The following CPED1 variants were observed in gnomAD, a reference collection of about 807,000 sequenced individuals.
CPED1 encodes the protein cadherin like and PC-esterase domain containing 1, also known as cadherin-like and PC-esterase domain-containing protein 1.
CPED1 carries 114 observed loss-of-function variants against 128.2 expected under a neutral mutation model. The ratio of observed to expected loss-of-function variants is 0.89; its 90% confidence interval spans 0.76 to 1.04. The LOEUF (loss-of-function observed/expected upper bound fraction) is 1.04, where lower values mean the gene tolerates loss of function less well. Among genes scored for constraint, CPED1 ranks in the 50% least tolerant of loss-of-function variants. The pLI, the probability that CPED1 is intolerant of heterozygous loss-of-function variation, is 0.00. For synonymous variants in CPED1, 462 were observed against 426.7 expected, an observed-to-expected ratio of 1.08 and a Z score of -1.02; for missense variants, 1,211 against 1,207.1, an observed-to-expected ratio of 1.00 and a Z score of -0.05.
intron 4 of CPED1, among the ~76,000 whole-genome samples, chr7:121,054,411 A>G (rs1016801924): frequency 6.6e-6 from 1 of 152,284 alleles, no homozygotes; most frequent in East Asian, 1.9e-4. Flanking sequence ...CCCATACATT[A>G]ATTTCAGAAT....
chr7:121,214,001 T>G (rs1797702807), intron 16 of CPED1, among the ~76,000 whole-genome samples: 1 of 152,084 alleles, frequency 6.6e-6, no homozygotes, highest in South Asian at 2.1e-4. Context: ...TTCTCTAGTG[T>G]GTGATGATTC....
chr7:120,999,184 A>T (rs1308522339), intron 2 of CPED1, among the ~76,000 whole-genome samples: 3 of 152,170 alleles, frequency 2.0e-5, no homozygotes, highest in Non-Finnish European at 2.9e-5. Context: ...TGCTGAACTC[A>T]AAAGTCCTCC....
At chr7:121,157,910 T>G (rs1274785386) in intron 16 of CPED1, among the ~76,000 whole-genome samples, 1 of 152,226 alleles carries the variant, frequency 6.6e-6, no homozygotes, top group African/African-American at 2.4e-5. Context: ...TTCTTTAGAA[T>G]ATTCTTTATA....
chr7:121,068,616 A>G (rs891064212), intron 5 of CPED1, among the ~76,000 whole-genome samples: 6 of 150,842 alleles, frequency 4.0e-5, no homozygotes, highest in Non-Finnish European at 8.9e-5. Flanking sequence ...TTGGTTCCAT[A>G]TGAACTTTAA....
intron 2 of CPED1, among the ~76,000 whole-genome samples, chr7:121,000,950 GT>G (rs1421448213): frequency 2.0e-5 from 3 of 152,114 alleles, no homozygotes; most frequent in African/African-American, 7.2e-5. Context: ...AAGCATGGTT[GT>G]TGGCCAGAGT....
intron 2 of CPED1, among the ~76,000 whole-genome samples, chr7:121,009,945 T>C (rs1471156879): frequency 6.6e-6 from 1 of 152,198 alleles, no homozygotes; most frequent in Non-Finnish European, 1.5e-5. Flanking sequence ...TGCATGTATT[T>C]ATAAAAAATA....
chr7:121,132,179 T>C (rs1340658364), intron 12 of CPED1, among the ~76,000 whole-genome samples: 1 of 152,068 alleles, frequency 6.6e-6, no homozygotes, highest in Non-Finnish European at 1.5e-5. Context: ...TGAGGATGCA[T>C]GTTATATACA....
At chr7:121,262,380 A>AG (rs1315175022) in intron 18 of CPED1, among the ~76,000 whole-genome samples, 7 of 152,084 alleles carry the variant, frequency 4.6e-5, no homozygotes, top group African/African-American at 1.7e-4. Flanking sequence ...TGTAGAGCCT[A>AG]GGAATAGTAC....
At chr7:121,094,269 C>T (rs1794645314) in intron 5 of CPED1, among the ~76,000 whole-genome samples, 1 of 152,122 alleles carries the variant, frequency 6.6e-6, no homozygotes, top group South Asian at 2.1e-4. Context: ...AATATTCAAA[C>T]ATCTGTGAAA....
chr7:121,280,006 G>A (rs932451958), intron 22 of CPED1, among the ~76,000 whole-genome samples: 5 of 152,124 alleles, frequency 3.3e-5, no homozygotes, highest in African/African-American at 9.7e-5. Flanking sequence ...GAGTGGTGCT[G>A]AGCAAATTAA....
At chr7:121,177,549 A>G (rs1796811239) in intron 16 of CPED1, among the ~76,000 whole-genome samples, 1 of 152,074 alleles carries the variant, frequency 6.6e-6, no homozygotes, top group Non-Finnish European at 1.5e-5. Context: ...AAATGCATAT[A>G]TTGTGTACAA....
At chr7:121,253,519 A>G (rs1380346288) in intron 18 of CPED1, among the ~76,000 whole-genome samples, 2 of 152,092 alleles carry the variant, frequency 1.3e-5, no homozygotes, top group African/African-American at 4.8e-5. Flanking sequence ...CAATTACACA[A>G]TCTAGTCTAC....
intron 13 of CPED1, among the ~76,000 whole-genome samples, chr7:121,134,109 A>T (rs1453156906): frequency 6.6e-6 from 1 of 152,060 alleles, no homozygotes. Flanking sequence ...TGAACTCCGT[A>T]TGTTGAAGAG....
intron 16 of CPED1, among the ~76,000 whole-genome samples, chr7:121,218,012 T>C (rs1797795379): frequency 6.7e-6 from 1 of 148,852 alleles, no homozygotes; most frequent in Non-Finnish European, 1.5e-5. Flanking sequence ...TGAGACAGAG[T>C]CTCACTCTGT....
At chr7:121,199,684 A>AG (rs1797346483) in intron 16 of CPED1, among the ~76,000 whole-genome samples, 1 of 116,558 alleles carries the variant, frequency 8.6e-6, no homozygotes, top group African/African-American at 2.9e-5. Context: ...AAAAAAAAAA[A>AG]AAAAAAAAAA....
At chr7:121,099,813 G>C in intron 6 of CPED1, 113 bp from the exon 7 acceptor site, 3 of 1,071,904 alleles carry the variant, frequency 2.8e-6, no homozygotes, top group Middle Eastern at 2.3e-4. Context: ...CACACACTGA[G>C]GGCTGGCGTC....
At chr7:121,286,751 G>A (rs1454958880) in intron 22 of CPED1, among the ~76,000 whole-genome samples, 1 of 152,128 alleles carries the variant, frequency 6.6e-6, no homozygotes, top group Non-Finnish European at 1.5e-5. Context: ...TGGAAAAATG[G>A]TGTCCTTGAA....
chr7:121,085,911 C>G (rs575071960), intron 5 of CPED1, among the ~76,000 whole-genome samples: 1 of 152,174 alleles, frequency 6.6e-6, no homozygotes, highest in Admixed American at 6.5e-5. Context: ...AAATATTTCT[C>G]CCGAACAGAG....
chr7:121,232,246 A>T (rs573715643), intron 16 of CPED1, among the ~76,000 whole-genome samples: 1 of 151,830 alleles, frequency 6.6e-6, no homozygotes, highest in African/African-American at 2.4e-5. Flanking sequence ...CTGTGCCGGG[A>T]TGGGTTTTGG....
Sources: gnomAD v4.1 joint callset for allele counts (sites outside exome capture counted in the v4.1 genomes callset) on GRCh38, gnomAD v4.1.1 for gene constraint, MANE v1.5 for transcripts, NCBI Gene and HGNC (gene_info 2026-07-23, HGNC 2026-07-21) for gene names.